The following CNTN1 variants were observed in gnomAD, a reference collection of about 807,000 sequenced individuals.
The protein encoded by CNTN1 is contactin-1.
A neutral mutation model predicts 126.4 loss-of-function variants in CNTN1; 38 were observed. The ratio of observed to expected loss-of-function variants is 0.30; its 90% CI spans 0.23 to 0.39. The LOEUF (loss-of-function observed/expected upper bound fraction) is 0.39, where lower values mean the gene tolerates loss of function less well. Among genes scored for constraint, CNTN1 ranks in the 10% least tolerant of loss-of-function variants. The pLI is 1.00. For synonymous variants in CNTN1, 413 were observed against 422.6 expected (o/e 0.98, Z 0.28); for missense variants, 1,009 against 1,248.4 (o/e 0.81, Z 2.89).
chr12:40,918,707 G>A lies in CNTN1; in HGVS notation c.163G>A (p.Glu55Lys). Residue 55 changes from glutamate to lysine, a missense_variant, in exon 4 of 24, where the codon GAA (glutamate) becomes AAA (lysine). Physicochemically the swap from Glu to Lys is moderately conservative, Grantham distance 56 (BLOSUM62 1). Coordinates refer to ENST00000551295, the MANE Select transcript of CNTN1 (RefSeq NM_001843.4). ...GCCAATCAATACCATTTATCCAGAG[G>A]AATCACTGGAAGGAAAAGTCTCACT... is the stretch of plus-strand genomic sequence containing the variant. Reference protein sequence around the residue: ...EQPINTIYPEESLEGKVSLNC... With the variant: ...EQPINTIYPEKSLEGKVSLNC... 1 of 1,612,502 alleles carries A rather than the reference G, an allele frequency of 6.2e-7. No individual in the cohort carries two copies. The highest frequency in any genetic ancestry group is 8.5e-7 in the Non-Finnish European group (1 of 1,178,638).
At chr12:40,879,497 C>G (rs191134826) in intron 1 of CNTN1, among the ~76,000 whole-genome samples, 1 of 152,192 alleles carries the variant, frequency 6.6e-6, no homozygotes, top group East Asian at 1.9e-4. Context: ...TTCTCCTTCT[C>G]TCTCCTTTTT....
At chr12:41,046,847 C>CTTT (rs56655599) in intron 23 of CNTN1, among the ~76,000 whole-genome samples, 29 of 118,988 alleles carry the variant, frequency 2.4e-4, no homozygotes, top group South Asian at 5.7e-4. Flanking sequence ...TTGCTTATTT[C>CTTT]TTTTTTTTTT....
intron 15 of CNTN1, among the ~76,000 whole-genome samples, chr12:40,978,183 T>C (rs1484996272): frequency 1.3e-5 from 2 of 152,154 alleles, no homozygotes; most frequent in African/African-American, 2.4e-5. Context: ...TTAAGAAACT[T>C]GCCCAAGATA....
intron 15 of CNTN1, chr12:40,978,972 CT>C (rs1369897993): frequency 6.6e-6 from 1 of 152,076 alleles, no homozygotes; most frequent in African/African-American, 2.4e-5. Context: ...CTGAAATATT[CT>C]ACTTAGTAAT....
chr12:40,805,519 G>C (rs1119061), intron 1 of CNTN1, among the ~76,000 whole-genome samples: 67,406 of 151,794 alleles, frequency 0.44, 15,841 homozygotes, highest in East Asian at 0.68. Flanking sequence ...CCATTTGACT[G>C]TTACTTAAAG....
At chr12:40,961,084 A>T (rs1012495196) in intron 15 of CNTN1, among the ~76,000 whole-genome samples, 1 of 152,008 alleles carries the variant, frequency 6.6e-6, no homozygotes, top group African/African-American at 2.4e-5. Context: ...TCACCACTAT[A>T]TGTATTTTTA....
chr12:40,972,558 T>A (rs1164679514), intron 15 of CNTN1: 3 of 760,028 alleles, frequency 3.9e-6, no homozygotes, highest in Middle Eastern at 6.5e-4. Context: ...TATGTGTGTG[T>A]ATATATATAG....
Position 41,027,890 on chromosome 12 carries a change from T to C in CNTN1, c.2744T>C (p.Val915Ala), listed in dbSNP as rs1458348843. Residue 915 changes from valine to alanine, a missense_variant, in exon 22 of 24, where the codon GTA becomes GCA. By Grantham distance (64) the Val-to-Ala change is moderately conservative (BLOSUM62 0). Transcript: ENST00000551295. ...CAGCCTCCAAGGATCATCAGTTCAG[T>C]AAGGTCTGGTTCACGCTATATAATC... ...PSQPPRIISS[V>A]RSGSRYIITW... 1 of 1,613,684 alleles carries C rather than the reference T, an allele frequency of 6.2e-7. No individual in the cohort carries two copies. Among genetic ancestry groups the C allele is most frequent in the Non-Finnish European group, 8.5e-7 (1 of 1,179,740 alleles).
chr12:40,814,082 A>T (rs1256228379), intron 1 of CNTN1, among the ~76,000 whole-genome samples: 1 of 151,862 alleles, frequency 6.6e-6, no homozygotes, highest in Non-Finnish European at 1.5e-5. Context: ...GTTCCCTATA[A>T]ATTCTGGATA....
intron 1 of CNTN1, among the ~76,000 whole-genome samples, chr12:40,813,064 T>TTTCTTTCTTTCTTTCC (rs1941139202): frequency 7.5e-6 from 1 of 133,018 alleles, no homozygotes; most frequent in Non-Finnish European, 1.6e-5. Flanking sequence ...TCTTTCTTCC[T>TTTCTTTCTTTCTTTCC]TCCTTCCTTC....
At chr12:41,002,844 G>A (rs1414521210) in intron 17 of CNTN1, among the ~76,000 whole-genome samples, 2 of 152,086 alleles carry the variant, frequency 1.3e-5, no homozygotes, top group African/African-American at 4.8e-5. Flanking sequence ...GGCATGAGCT[G>A]CTGCACCTGG....
At chr12:41,054,775 A>G (rs1949764754) in intron 23 of CNTN1, among the ~76,000 whole-genome samples, 1 of 152,104 alleles carries the variant, frequency 6.6e-6, no homozygotes, top group Admixed American at 6.6e-5. Flanking sequence ...AGAGAATGTC[A>G]AGTCATGCAA....
intron 1 of CNTN1, among the ~76,000 whole-genome samples, chr12:40,748,207 A>T (rs1938261701): frequency 6.6e-6 from 1 of 152,174 alleles, no homozygotes; most frequent in Non-Finnish European, 1.5e-5. Flanking sequence ...AGCCAGGTTC[A>T]TTGTTAACTG....
At chr12:40,704,354 A>T (rs1050727255) in intron 1 of CNTN1, among the ~76,000 whole-genome samples, 26 of 152,184 alleles carry the variant, frequency 1.7e-4, no homozygotes, top group Admixed American at 4.6e-4. Flanking sequence ...ATACTCTCCA[A>T]ATTATCTTTT....
In CNTN1 at chr12:40,696,034, T is replaced by A. The variant is rs536766208; in HGVS notation, c.-77+3442T>A. ...ACATCAGCAAGTCAACTGGGGATTATCATAGCACTTACGTGAGAGGATTTT... is the reference window on the plus strand; with the variant it reads ...ACATCAGCAAGTCAACTGGGGATTAACATAGCACTTACGTGAGAGGATTTT... On this transcript the variant is annotated intron_variant, in intron 1 of 23. Coordinates refer to ENST00000551295, the MANE Select transcript of CNTN1 (RefSeq NM_001843.4). 5.9e-5 allele frequency among the ~76,000 whole-genome samples: 9 copies of A among 152,346 alleles called. No individual in the cohort carries two copies. The South Asian group carries it at 1.9e-3, about 32-fold the overall frequency.
At chr12:40,828,297 A>G (rs929675408) in intron 1 of CNTN1, 1 of 152,206 alleles carries the variant, frequency 6.6e-6, no homozygotes, top group Non-Finnish European at 1.5e-5. Flanking sequence ...AAGTCAACAC[A>G]TAAGGTAAGT....
chr12:40,973,548 T>C (rs932348978), intron 15 of CNTN1, among the ~76,000 whole-genome samples: 3 of 152,200 alleles, frequency 2.0e-5, no homozygotes, highest in Admixed American at 1.3e-4. Flanking sequence ...AATAAACAGT[T>C]AACTACAGAA....
At chr12:41,064,932 C>T (rs1219537618) in intron 23 of CNTN1, among the ~76,000 whole-genome samples, 2 of 152,140 alleles carry the variant, frequency 1.3e-5, no homozygotes, top group African/African-American at 4.8e-5. Context: ...CAGTAAAAGG[C>T]AGAGGTAGAG....
chr12:40,816,904 A>T (rs1222949233), intron 1 of CNTN1, among the ~76,000 whole-genome samples: 1 of 152,126 alleles, frequency 6.6e-6, no homozygotes, highest in Admixed American at 6.5e-5. Context: ...TTCATTATTT[A>T]CCCTGGAGTC....
Sources: gnomAD v4.1 joint callset for allele counts (sites outside exome capture counted in the v4.1 genomes callset) on GRCh38, gnomAD v4.1.1 for gene constraint, MANE v1.5 for transcripts, NCBI Gene and HGNC (gene_info 2026-07-23, HGNC 2026-07-21) for gene names.